The following FAM204A variants were observed in gnomAD, a reference collection of about 807,000 sequenced individuals.
FAM204A encodes the protein family with sequence similarity 204 member A, also known as protein FAM204A.
A neutral mutation model predicts 35.4 loss-of-function variants in FAM204A; 16 were observed. The ratio of observed to expected loss-of-function variants is 0.45; its 90% CI spans 0.31 to 0.69. FAM204A has a LOEUF of 0.69. Among genes scored for constraint, FAM204A ranks in the 30% least tolerant of loss-of-function variants. The pLI is 0.07. For missense variants in FAM204A, 240 were observed against 265.7 expected (o/e 0.90, Z 0.67); for synonymous variants, 76 against 86.9 (o/e 0.88, Z 0.70).
At chr10:118,313,027 T>G (rs1845977429) in intron 7 of FAM204A, among the ~76,000 whole-genome samples, 1 of 152,090 alleles carries the variant, frequency 6.6e-6, no homozygotes, top group Non-Finnish European at 1.5e-5. Flanking sequence ...AAAAAAAGGT[T>G]AAGAATCAAA....
At chr10:118,318,187 A>T (rs972991178) in intron 7 of FAM204A, among the ~76,000 whole-genome samples, 1 of 152,102 alleles carries the variant, frequency 6.6e-6, no homozygotes, top group Non-Finnish European at 1.5e-5. Flanking sequence ...TGGAAAGAGT[A>T]ATAATAAACA....
chr10:118,339,603 A>G (rs1846441662), intron 2 of FAM204A, among the ~76,000 whole-genome samples: 1 of 152,238 alleles, frequency 6.6e-6, no homozygotes, highest in Non-Finnish European at 1.5e-5. Context: ...AAGTCCATAT[A>G]ACAGCCAATG....
In FAM204A at chr10:118,302,520, A is replaced by T. The variant is rs1845818849; in HGVS notation, c.*8337T>A. ...CATAAAAATGTTTTCCAAGGTGCAC[A>T]GAAACATCTGAGGACTTTAATTAAG... On this transcript the variant is annotated 3_prime_UTR_variant, in exon 9 of 9. Transcript: ENST00000369183. 1 of 152,372 alleles carries T rather than the reference A, an allele frequency of 6.6e-6. No homozygotes were observed. The highest frequency in any genetic ancestry group is 2.4e-5 in the African/African-American group (1 of 41,598). The allele number at this position is 152,372 out of a possible 1,614,324, so 9.4% of individuals were successfully genotyped here.
intron 1 of FAM204A, 40 bp downstream of exon 1, chr10:118,342,230 C>G (rs1304972503): frequency 2.0e-5 from 3 of 152,300 alleles, no homozygotes; most frequent in African/African-American, 4.8e-5. Flanking sequence ...TGCCGGAGCC[C>G]GAACCGGCGG....
intron 5 of FAM204A, 83 bp downstream of exon 5, chr10:118,335,313 T>A: frequency 6.5e-7 from 1 of 1,549,296 alleles, no homozygotes; most frequent in Non-Finnish European, 8.8e-7. Flanking sequence ...TACTAGTTCA[T>A]ATGTTTGATT....
intron 2 of FAM204A, among the ~76,000 whole-genome samples, chr10:118,336,670 C>T (rs181722373): frequency 2.4e-4 from 37 of 152,022 alleles, no homozygotes; most frequent in African/African-American, 8.7e-4. Flanking sequence ...TTACAACATA[C>T]ACCTACAGGT....
chr10:118,313,107 A>G (rs1845978353), intron 7 of FAM204A, among the ~76,000 whole-genome samples: 1 of 152,210 alleles, frequency 6.6e-6, no homozygotes, highest in African/African-American at 2.4e-5. Flanking sequence ...TTTATCATTA[A>G]GATGAAGTTC....
At chr10:118,330,961 G>T (rs1459013348) in intron 6 of FAM204A, among the ~76,000 whole-genome samples, 1 of 152,102 alleles carries the variant, frequency 6.6e-6, no homozygotes, top group East Asian at 1.9e-4. Context: ...ATGAGTCAAA[G>T]AACATATATA....
In FAM204A at chr10:118,301,764, T is replaced by C. The variant is rs1845809879; in HGVS notation, c.*9093A>G. On this transcript the variant is annotated 3_prime_UTR_variant, in exon 9 of 9. Coordinates refer to ENST00000369183, the MANE Select transcript of FAM204A (RefSeq NM_022063.3). ...CCTCACATCTCTATAAGATAGCTACTATTATTATCTCCATTTCTCAGGAGA... is the reference window on the plus strand; with the variant it reads ...CCTCACATCTCTATAAGATAGCTACCATTATTATCTCCATTTCTCAGGAGA... 1 of 152,190 alleles carries C rather than the reference T, an allele frequency of 6.6e-6. No individual in the cohort carries two copies. The highest frequency in any genetic ancestry group is 1.5e-5 in the Non-Finnish European group (1 of 68,032). 9.4% of individuals were successfully genotyped at this position (152,190 alleles called of 1,614,324 possible).
rs896935307 is a variant in FAM204A, at chr10:118,298,687, G to A, written c.*12170C>T. The A allele has an allele frequency of 6.6e-6, 1 of 152,158 alleles. No homozygotes were observed. Among genetic ancestry groups the A allele is most frequent in the Non-Finnish European group, 1.5e-5 (1 of 68,032 alleles). 9.4% of individuals were successfully genotyped at this position (152,158 alleles called of 1,614,324 possible). A position where few individuals can be genotyped will look rare whatever the true frequency, so the allele number is the denominator to read the frequency against. On this transcript the variant is annotated 3_prime_UTR_variant, in exon 9 of 9. Coordinates refer to ENST00000369183, the MANE Select transcript of FAM204A (RefSeq NM_022063.3). ...TACAATGTACAGAGATTATTGTTAC[G>A]TCCACATTATTATTTTTGGCACTAG...
chr10:118,334,574 C>T (rs1846349492), intron 6 of FAM204A, among the ~76,000 whole-genome samples: 1 of 152,194 alleles, frequency 6.6e-6, no homozygotes, highest in African/African-American at 2.4e-5. Context: ...TCATGTCATT[C>T]CCTTGACTTA....
chr10:118,324,454 G>A (rs1846167135), intron 7 of FAM204A, among the ~76,000 whole-genome samples: 1 of 152,132 alleles, frequency 6.6e-6, no homozygotes, highest in Non-Finnish European at 1.5e-5. Context: ...TAAGCAAAAT[G>A]CAATACAAAC....
At chr10:118,329,236 C>A (rs1846250353) in intron 6 of FAM204A, among the ~76,000 whole-genome samples, 1 of 152,094 alleles carries the variant, frequency 6.6e-6, no homozygotes, top group African/African-American at 2.4e-5. Flanking sequence ...ACACGTGATC[C>A]CTTATTTGGA....
At chr10:118,331,689 C>T (rs537470829) in intron 6 of FAM204A, among the ~76,000 whole-genome samples, 1 of 151,934 alleles carries the variant, frequency 6.6e-6, no homozygotes, top group Admixed American at 6.5e-5. Flanking sequence ...TAAAGCTTAA[C>T]ACAAATGAAT....
chr10:118,319,540 A>G (rs1450634270), intron 7 of FAM204A, among the ~76,000 whole-genome samples: 2 of 152,042 alleles, frequency 1.3e-5, no homozygotes, highest in Non-Finnish European at 2.9e-5. Flanking sequence ...AAAATGAGAT[A>G]TATTTATCAT....
chr10:118,330,318 A>G (rs1290154257), intron 6 of FAM204A, among the ~76,000 whole-genome samples: 1 of 152,170 alleles, frequency 6.6e-6, no homozygotes, highest in African/African-American at 2.4e-5. Context: ...GAAGCAATCA[A>G]ACTAGACCTG....
chr10:118,317,305 T>C (rs1442326941), intron 7 of FAM204A, among the ~76,000 whole-genome samples: 2 of 152,080 alleles, frequency 1.3e-5, no homozygotes, highest in Non-Finnish European at 2.9e-5. Context: ...ACTAAAATGG[T>C]TTTAATTAAA....
At position 118,301,855 on chromosome 10, in the gene FAM204A, G is replaced by A. The variant is rs1414369198; in HGVS notation, c.*9002C>T. ...CACAGCTTGTAAGTAGCAGAGCTGG[G>A]ATTCAAATCTGGCTTGCTTCATAGT... On this transcript the variant is annotated 3_prime_UTR_variant, in exon 9 of 9. Coordinates refer to ENST00000369183, the MANE Select transcript of FAM204A (RefSeq NM_022063.3). The A allele has an allele frequency of 6.6e-6, 1 of 152,246 alleles. No individual in the cohort carries two copies. Among genetic ancestry groups the A allele is most frequent in the African/African-American group, 2.4e-5 (1 of 41,440 alleles). 9.4% of individuals were successfully genotyped at this position (152,246 alleles called of 1,614,324 possible). A position where few individuals can be genotyped will look rare whatever the true frequency, so the allele number is the denominator to read the frequency against.
At chr10:118,330,926 A>C (rs777164015) in intron 6 of FAM204A, among the ~76,000 whole-genome samples, 2 of 152,226 alleles carry the variant, frequency 1.3e-5, no homozygotes, top group Non-Finnish European at 2.9e-5. Context: ...AATGAGAATA[A>C]AACCACATTC....
Sources: allele counts gnomAD v4.1 joint callset (sites outside exome capture counted in the v4.1 genomes callset), GRCh38; gene constraint gnomAD v4.1.1; transcripts MANE v1.5; gene names NCBI Gene and HGNC (gene_info 2026-07-23, HGNC 2026-07-21).